NRXN1: variants seen among roughly 807,000 people sequenced by gnomAD.
The protein encoded by NRXN1 is neurexin-1.
Under a neutral mutation model 150.9 loss-of-function variants are expected in NRXN1, and 39 were observed. The observed-to-expected ratio is 0.26, with a 90% CI of 0.20 to 0.34. The LOEUF (loss-of-function observed/expected upper bound fraction) is 0.34. Ranked by LOEUF, NRXN1 falls within the 10% of genes least tolerant of loss-of-function variation. The pLI, the probability that NRXN1 is intolerant of heterozygous loss-of-function variation, is 1.00. For missense variants in NRXN1, 1,815 were observed against 1,949.9 expected (o/e 0.93, Z 1.30); for synonymous variants, 924 against 757.0 (o/e 1.22, Z -3.62).
intron 17 of NRXN1, among the ~76,000 whole-genome samples, chr2:50,278,691 C>G (rs1243468234): frequency 6.6e-6 from 1 of 151,938 alleles, no homozygotes; most frequent in Non-Finnish European, 1.5e-5. Flanking sequence ...GAAAATTAGG[C>G]CTTACTGAGA....
chr2:50,651,995 C>T (rs1322043457), intron 5 of NRXN1, among the ~76,000 whole-genome samples: 1 of 152,044 alleles, frequency 6.6e-6, no homozygotes, highest in Non-Finnish European at 1.5e-5. Context: ...CATACTGCAT[C>T]CCAGAGTAAT....
At chr2:51,016,782 C>G (rs1050957937) in intron 2 of NRXN1, among the ~76,000 whole-genome samples, 2 of 152,114 alleles carry the variant, frequency 1.3e-5, no homozygotes, top group South Asian at 4.1e-4. Context: ...ATAAATCATT[C>G]TACTATAAAG....
At chr2:50,316,825 A>G (rs1376300814) in intron 17 of NRXN1, among the ~76,000 whole-genome samples, 1 of 151,998 alleles carries the variant, frequency 6.6e-6, no homozygotes, top group Admixed American at 6.6e-5. Flanking sequence ...GGGTAAAAAA[A>G]TGTCAAAATA....
chr2:50,835,505 G>A (rs1671986800), intron 5 of NRXN1, among the ~76,000 whole-genome samples: 1 of 152,058 alleles, frequency 6.6e-6, no homozygotes, highest in South Asian at 2.1e-4. Context: ...GCAAATTTTA[G>A]ATTAATCTTA....
At position 50,296,518 on chromosome 2, in the gene NRXN1, C is replaced by CTATTAG. The variant is rs60974449; in HGVS notation, c.3365-59549_3365-59548insCTAATA. 7.4e-4 allele frequency among the ~76,000 whole-genome samples: 110 copies of CTATTAG among 148,034 alleles called. 2 individuals are homozygous for CTATTAG. The East Asian group carries it at 0.016, about 21-fold the overall frequency. Reference sequence around the variant, plus strand: ...TCCATGTGTACCCATTGCTTAGCTTCTATTATTATTATTATTATCATTATT... The same window carrying CTATTAG: ...TCCATGTGTACCCATTGCTTAGCTTCTATTAGTATTATTATTATTATTATCATTATT... On this transcript the variant is annotated intron_variant, in intron 17 of 22. Coordinates refer to ENST00000401669, the MANE Select transcript of NRXN1 (RefSeq NM_001330078.2).
chr2:50,141,115 C>T (rs1301990462), intron 18 of NRXN1, among the ~76,000 whole-genome samples: 2 of 151,936 alleles, frequency 1.3e-5, no homozygotes, highest in Non-Finnish European at 1.5e-5. Context: ...ACAAGTAAGA[C>T]GTACACTCTA....
At chr2:50,015,188 C>G (rs1195842596) in intron 21 of NRXN1, among the ~76,000 whole-genome samples, 1 of 152,064 alleles carries the variant, frequency 6.6e-6, no homozygotes, top group Non-Finnish European at 1.5e-5. Flanking sequence ...ATATCTTGTA[C>G]TTTCCAAGTA....
intron 16 of NRXN1, among the ~76,000 whole-genome samples, chr2:50,467,087 T>C (rs2104660513): frequency 6.6e-6 from 1 of 151,850 alleles, no homozygotes; most frequent in East Asian, 1.9e-4. Flanking sequence ...TAAACTGCAA[T>C]ATAATCCATC....
At chr2:50,132,333 T>C (rs1705642772) in intron 18 of NRXN1, among the ~76,000 whole-genome samples, 1 of 142,746 alleles carries the variant, frequency 7.0e-6, no homozygotes, top group South Asian at 2.2e-4. Flanking sequence ...TAAGATGGAG[T>C]CTTGCTCTGT....
intron 17 of NRXN1, among the ~76,000 whole-genome samples, chr2:50,459,227 T>A (rs2087907039): frequency 6.6e-6 from 1 of 152,134 alleles, no homozygotes; most frequent in Non-Finnish European, 1.5e-5. Flanking sequence ...ACACTCCTGA[T>A]AATTTGATTT....
rs2067338407 is a variant in NRXN1 at position 50,253,264 on chromosome 2, A to G, written c.3365-16294T>C. Among the ~76,000 whole-genome samples, 3 of 152,112 alleles carry G rather than the reference A, an allele frequency of 2.0e-5. No individual in the cohort carries two copies. In the South Asian group the frequency reaches 6.2e-4, roughly 31 times the overall value. On this transcript the variant is annotated intron_variant, in intron 17 of 22. Transcript: ENST00000401669. ...TCTGATTTCTGCACATTGATTTTGT[A>G]TCTTGAGACTTTGCTGAAGTTGTTT...
chr2:50,445,325 G>A (rs114078545), intron 17 of NRXN1, among the ~76,000 whole-genome samples: 172 of 152,276 alleles, frequency 1.1e-3, no homozygotes, highest in African/African-American at 3.8e-3. Flanking sequence ...TTCAACTAGA[G>A]GAAGTACGTG....
intron 5 of NRXN1, among the ~76,000 whole-genome samples, chr2:50,688,281 A>T (rs145340683): frequency 0.011 from 1,623 of 152,314 alleles, 30 homozygotes; most frequent in African/African-American, 0.037. Flanking sequence ...GGGCCTCCCC[A>T]TATCAATACA....
At chr2:50,633,549 T>A (rs1682740039) in intron 5 of NRXN1, among the ~76,000 whole-genome samples, 1 of 151,910 alleles carries the variant, frequency 6.6e-6, no homozygotes, top group Non-Finnish European at 1.5e-5. Flanking sequence ...AATGCTACTT[T>A]GTTATTAAAA....
chr2:50,667,745 G>A (rs187400409), intron 5 of NRXN1, among the ~76,000 whole-genome samples: 1 of 151,720 alleles, frequency 6.6e-6, no homozygotes. Flanking sequence ...CCACCTATAT[G>A]TTTCTGTTTT....
chr2:50,471,169 C>T (rs145671904), intron 16 of NRXN1, among the ~76,000 whole-genome samples: 101 of 151,672 alleles, frequency 6.7e-4, no homozygotes, highest in African/African-American at 2.3e-3. Context: ...ACTATATAGT[C>T]GTGAAGTCTA....
intron 2 of NRXN1, among the ~76,000 whole-genome samples, chr2:51,021,033 T>A (rs1669520615): frequency 6.6e-6 from 1 of 151,972 alleles, no homozygotes; most frequent in African/African-American, 2.4e-5. Context: ...CGTGTAAATT[T>A]ACCTATTCCT....
chr2:50,199,162 C>T (rs567635319), intron 18 of NRXN1: 3 of 152,162 alleles, frequency 2.0e-5, no homozygotes, highest in African/African-American at 7.2e-5. Flanking sequence ...TTTTATTTCA[C>T]GTTAGCTGGA....
intron 16 of NRXN1, among the ~76,000 whole-genome samples, chr2:50,471,101 CTT>C (rs1183072063): frequency 6.6e-6 from 1 of 150,610 alleles, no homozygotes; most frequent in East Asian, 1.9e-4. Flanking sequence ...TTTTATTTTA[CTT>C]TTTTTTTAAT....
Sources: allele counts gnomAD v4.1 joint callset (sites outside exome capture counted in the v4.1 genomes callset), GRCh38; gene constraint gnomAD v4.1.1; transcripts MANE v1.5; gene names NCBI Gene and HGNC (gene_info 2026-07-23, HGNC 2026-07-21).